CHODL: variants seen among roughly 807,000 people sequenced by gnomAD.
CHODL encodes the protein transmembrane protein MT75.
In CHODL, 29 loss-of-function variants were observed where a neutral mutation model predicts 34.5. That is an observed-to-expected ratio of 0.84 (90% CI 0.63 to 1.15). CHODL has a LOEUF of 1.15. Among genes scored for constraint, CHODL ranks in the 50% most tolerant of loss-of-function variants. The pLI, the probability that CHODL is intolerant of heterozygous loss-of-function variation, is 0.00. For synonymous variants in CHODL, 125 were observed against 116.1 expected (o/e 1.08, Z -0.49); for missense variants, 332 against 332.5 (o/e 1.00, Z 0.01).
chr21:17,919,020 G>A (rs1034331619), intron 1 of CHODL, among the ~76,000 whole-genome samples: 1 of 152,240 alleles, frequency 6.6e-6, no homozygotes, highest in Non-Finnish European at 1.5e-5. Context: ...GCTGATGTGA[G>A]AGGTGGGCTC....
At chr21:18,231,089 T>C (rs1309828942) in intron 2 of CHODL, among the ~76,000 whole-genome samples, 1 of 152,146 alleles carries the variant, frequency 6.6e-6, no homozygotes, top group Non-Finnish European at 1.5e-5. Flanking sequence ...TTAGTGATAC[T>C]ATAGTCCATT....
chr21:18,066,689 A>T (rs557876006), intron 2 of CHODL, among the ~76,000 whole-genome samples: 2 of 152,266 alleles, frequency 1.3e-5, no homozygotes, highest in East Asian at 3.9e-4. Context: ...TATATTGGAA[A>T]TCCTAATCCT....
At chr21:18,032,148 C>T (rs111868927) in intron 2 of CHODL, among the ~76,000 whole-genome samples, 85 of 152,008 alleles carry the variant, frequency 5.6e-4, no homozygotes, top group African/African-American at 2.0e-3. Flanking sequence ...ATATATTGTA[C>T]AACATGGCAA....
At chr21:17,953,614 A>T (rs1419496926) in intron 1 of CHODL, among the ~76,000 whole-genome samples, 1 of 152,258 alleles carries the variant, frequency 6.6e-6, no homozygotes, top group Non-Finnish European at 1.5e-5. Context: ...GTAGGCTAAA[A>T]CCTGACTACA....
At chr21:17,924,506 C>T (rs749511309) in intron 1 of CHODL, among the ~76,000 whole-genome samples, 3 of 152,196 alleles carry the variant, frequency 2.0e-5, no homozygotes, top group Non-Finnish European at 4.4e-5. Flanking sequence ...CTGGGCCTGA[C>T]CTAGCAGGAG....
chr21:17,936,462 G>GT, intron 1 of CHODL, among the ~76,000 whole-genome samples: 1 of 121,968 alleles, frequency 8.2e-6, no homozygotes, highest in Non-Finnish European at 1.8e-5. Flanking sequence ...ATAAGATGAT[G>GT]TTAAAAAAAA....
chr21:18,176,054 G>A (rs902136885), intron 2 of CHODL, among the ~76,000 whole-genome samples: 4 of 152,158 alleles, frequency 2.6e-5, no homozygotes, highest in African/African-American at 9.7e-5. Flanking sequence ...ACTCAAAAGA[G>A]TCTGAGGATG....
intron 2 of CHODL, among the ~76,000 whole-genome samples, chr21:18,234,267 GT>G (rs2074008779): frequency 6.6e-6 from 1 of 152,116 alleles, no homozygotes; most frequent in Non-Finnish European, 1.5e-5. Flanking sequence ...CCTACAGAGC[GT>G]TACTTGCTGA....
chr21:17,992,038 A>G (rs112502295), intron 1 of CHODL, among the ~76,000 whole-genome samples: 51 of 152,276 alleles, frequency 3.3e-4, no homozygotes, highest in Admixed American at 1.3e-3. Context: ...ATTCCTCTGC[A>G]TATTGATATC....
intron 2 of CHODL, among the ~76,000 whole-genome samples, chr21:18,090,338 C>A (rs183423252): frequency 5.3e-5 from 8 of 151,956 alleles, no homozygotes; most frequent in African/African-American, 1.9e-4. Flanking sequence ...GCCAAGGATG[C>A]CTATTTATAG....
At chr21:18,160,745 T>C (rs1219925271) in intron 2 of CHODL, among the ~76,000 whole-genome samples, 1 of 152,246 alleles carries the variant, frequency 6.6e-6, no homozygotes, top group African/African-American at 2.4e-5. Context: ...GATGGACATT[T>C]ATGTTGATTC....
upstream of CHODL, among the ~76,000 whole-genome samples, chr21:18,241,532 C>T (rs1044435442): frequency 2.0e-5 from 3 of 152,118 alleles, no homozygotes; most frequent in East Asian, 1.9e-4. Flanking sequence ...CGATCTGGAG[C>T]GCAAATGAAT....
chr21:18,045,168 T>G (rs188014175), intron 2 of CHODL, among the ~76,000 whole-genome samples: 42 of 152,078 alleles, frequency 2.8e-4, no homozygotes, highest in African/African-American at 9.9e-4. Flanking sequence ...GTCAAAGTTC[T>G]AGAAAGAGAA....
chr21:18,130,737 T>C (rs1203633573), intron 2 of CHODL, among the ~76,000 whole-genome samples: 1 of 152,228 alleles, frequency 6.6e-6, no homozygotes, highest in Non-Finnish European at 1.5e-5. Flanking sequence ...CAAATTTTAG[T>C]TTGGCAAATG....
At chr21:18,012,547 A>G (rs537623359) in intron 1 of CHODL, among the ~76,000 whole-genome samples, 1 of 152,360 alleles carries the variant, frequency 6.6e-6, no homozygotes, top group Non-Finnish European at 1.5e-5. Context: ...TGGACATGTG[A>G]GTAAATGGAG....
intron 1 of CHODL, among the ~76,000 whole-genome samples, chr21:18,004,168 T>C (rs951019822): frequency 6.6e-6 from 1 of 152,286 alleles, no homozygotes; most frequent in Non-Finnish European, 1.5e-5. Flanking sequence ...AAGAGTCAAA[T>C]GGGTAAAAAT....
chr21:18,013,156 C>A (rs1275026441), intron 1 of CHODL, among the ~76,000 whole-genome samples: 2 of 152,062 alleles, frequency 1.3e-5, no homozygotes, highest in Admixed American at 1.3e-4. Context: ...ATTAATAATG[C>A]ACTCTCTATT....
rs17780913 is a variant in CHODL at position 18,261,798 on chromosome 21, A to G, written c.635-993A>G. ...TTTTTTAATTTTACTAAGAATACCT[A>G]GCATTATCAAATGTGATGGAACAGG... On this transcript the variant is annotated intron_variant, in intron 4 of 5. Transcript: ENST00000299295. Among the ~76,000 whole-genome samples, 680 of 152,324 alleles carry G rather than the reference A, an allele frequency of 4.5e-3. 12 individuals are homozygous for G. Among genetic ancestry groups the G allele is most frequent in the East Asian group, 0.037 (191 of 5,186 alleles).
intron 2 of CHODL, among the ~76,000 whole-genome samples, chr21:18,121,063 G>A (rs1430510007): frequency 6.6e-6 from 1 of 152,022 alleles, no homozygotes; most frequent in Non-Finnish European, 1.5e-5. Flanking sequence ...TCTGTTTTCT[G>A]TGTTCTCTGG....
Sources: gnomAD v4.1 joint callset for allele counts (sites outside exome capture counted in the v4.1 genomes callset) on GRCh38, gnomAD v4.1.1 for gene constraint, MANE v1.5 for transcripts, NCBI Gene and HGNC (gene_info 2026-07-23, HGNC 2026-07-21) for gene names.